The following FER variants were observed in gnomAD, a reference collection of about 807,000 sequenced individuals.
The protein encoded by FER is FER tyrosine kinase, also known as tyrosine-protein kinase Fer.
Under a neutral mutation model 111.0 loss-of-function variants are expected in FER, and 63 were observed. The ratio of observed to expected loss-of-function variants is 0.57; its 90% CI spans 0.46 to 0.70. The LOEUF (loss-of-function observed/expected upper bound fraction) is 0.70, where lower values mean the gene tolerates loss of function less well. Among genes scored for constraint, FER ranks in the 30% least tolerant of loss-of-function variants. The pLI, the probability that FER is intolerant of heterozygous loss-of-function variation, is 0.00. For synonymous variants in FER, 327 were observed against 313.9 expected (o/e 1.04, Z -0.44); for missense variants, 914 against 954.0 (o/e 0.96, Z 0.55).
At chr5:109,065,677 A>G (rs1214742471) in intron 16 of FER, among the ~76,000 whole-genome samples, 2 of 152,218 alleles carry the variant, frequency 1.3e-5, no homozygotes, top group African/African-American at 2.4e-5. Flanking sequence ...GAAGGATTAC[A>G]TATTATATTA....
chr5:108,805,199 G>A (rs1052914726), intron 3 of FER, among the ~76,000 whole-genome samples: 20 of 152,008 alleles, frequency 1.3e-4, no homozygotes, highest in African/African-American at 4.4e-4. Flanking sequence ...CATGAGATCC[G>A]ATGGTTTTAA....
chr5:109,127,898 T>A (rs1366997848), intron 17 of FER, among the ~76,000 whole-genome samples: 1 of 152,190 alleles, frequency 6.6e-6, no homozygotes, highest in Non-Finnish European at 1.5e-5. Context: ...TTCATAATAT[T>A]GAAATTCTAA....
At chr5:108,966,191 T>C (rs897072131) in intron 13 of FER, among the ~76,000 whole-genome samples, 4 of 152,112 alleles carry the variant, frequency 2.6e-5, no homozygotes, top group Non-Finnish European at 4.4e-5. Flanking sequence ...AGTAATTACT[T>C]CTATACATTT....
At chr5:108,944,819 G>T (rs1468338687) in intron 10 of FER, among the ~76,000 whole-genome samples, 1 of 124,282 alleles carries the variant, frequency 8.0e-6, no homozygotes, top group African/African-American at 3.0e-5. Flanking sequence ...TATGTTTTTA[G>T]GCCAACCTAT....
At chr5:108,753,791 A>G (rs1390099888) in intron 1 of FER, among the ~76,000 whole-genome samples, 1 of 152,224 alleles carries the variant, frequency 6.6e-6, no homozygotes, top group African/African-American at 2.4e-5. Context: ...AAGAACATAC[A>G]GTTTAAATGG....
chr5:109,011,330 A>C (rs1186706355), intron 13 of FER, among the ~76,000 whole-genome samples: 2 of 152,178 alleles, frequency 1.3e-5, no homozygotes, highest in Non-Finnish European at 2.9e-5. Flanking sequence ...TGCACAACGG[A>C]GGACCTCTAA....
intron 13 of FER, 53 bp from the exon 14 acceptor site, chr5:109,037,369 C>G (rs1770545225): frequency 1.3e-6 from 2 of 1,503,018 alleles, no homozygotes; most frequent in Admixed American, 3.5e-5. Context: ...AATGCAACTT[C>G]AAGAAGTGTA....
chr5:108,839,771 G>T (rs987664836), intron 5 of FER, among the ~76,000 whole-genome samples: 1 of 151,808 alleles, frequency 6.6e-6, no homozygotes, highest in South Asian at 2.1e-4. Flanking sequence ...TAGAGATGGG[G>T]TTTCACTGTG....
chr5:109,045,514 TG>T (rs1027185483), intron 15 of FER, among the ~76,000 whole-genome samples: 1 of 152,186 alleles, frequency 6.6e-6, no homozygotes, highest in Non-Finnish European at 1.5e-5. Context: ...GACAGGCATT[TG>T]AGGTAATCTA....
intron 1 of FER, among the ~76,000 whole-genome samples, chr5:108,767,586 G>A (rs778601411): frequency 6.6e-6 from 1 of 152,148 alleles, no homozygotes; most frequent in Non-Finnish European, 1.5e-5. Flanking sequence ...CTGGGCTCAA[G>A]CAGTCTTCCT....
chr5:109,095,606 C>A (rs1052363449), intron 16 of FER, among the ~76,000 whole-genome samples: 2 of 152,052 alleles, frequency 1.3e-5, no homozygotes, highest in Admixed American at 6.6e-5. Flanking sequence ...TGTATGAAAT[C>A]TATTCTGTGT....
chr5:109,181,705 C>A (rs1274783956), intron 18 of FER, among the ~76,000 whole-genome samples: 3 of 152,022 alleles, frequency 2.0e-5, no homozygotes, highest in Non-Finnish European at 4.4e-5. Context: ...TTTATAAATG[C>A]CTTAATTTAA....
intron 17 of FER, among the ~76,000 whole-genome samples, chr5:109,111,385 A>G (rs796850484): frequency 2.6e-4 from 40 of 152,284 alleles, no homozygotes; most frequent in African/African-American, 8.9e-4. Flanking sequence ...TATGTTTGGT[A>G]TAAAAAAAGG....
At chr5:109,181,230 C>A (rs1244759421) in intron 18 of FER, among the ~76,000 whole-genome samples, 1 of 152,060 alleles carries the variant, frequency 6.6e-6, no homozygotes, top group Admixed American at 6.5e-5. Context: ...TTTCGAATGT[C>A]TTATAATTGG....
intron 17 of FER, among the ~76,000 whole-genome samples, chr5:109,157,325 T>C (rs1482168255): frequency 6.6e-6 from 1 of 152,150 alleles, no homozygotes; most frequent in African/African-American, 2.4e-5. Context: ...GAAAACACTT[T>C]AAAATGCAAT....
chr5:109,092,320 G>A (rs1746910191), intron 16 of FER, among the ~76,000 whole-genome samples: 2 of 122,746 alleles, frequency 1.6e-5, no homozygotes, highest in Non-Finnish European at 3.5e-5. Context: ...AACATCAGAG[G>A]GAAAAAGCAA....
chr5:108,937,351 T>C (rs1160673211), intron 10 of FER, among the ~76,000 whole-genome samples: 1 of 151,974 alleles, frequency 6.6e-6, no homozygotes, highest in Non-Finnish European at 1.5e-5. Flanking sequence ...CAGTAATATA[T>C]TGACTTTTAT....
chr5:108,831,965 T>C (rs1760088940), intron 3 of FER, among the ~76,000 whole-genome samples: 2 of 151,248 alleles, frequency 1.3e-5, no homozygotes, highest in Admixed American at 6.6e-5. Context: ...AGGATTCCTC[T>C]GTTCCTTTTT....
At chr5:108,904,542 A>C (rs1750477719) in intron 10 of FER, among the ~76,000 whole-genome samples, 1 of 152,198 alleles carries the variant, frequency 6.6e-6, no homozygotes, top group African/African-American at 2.4e-5. Context: ...TCATAAAGTC[A>C]TACAGACCCA....
Sources: gnomAD v4.1 joint callset for allele counts (sites outside exome capture counted in the v4.1 genomes callset) on GRCh38, gnomAD v4.1.1 for gene constraint, MANE v1.5 for transcripts, NCBI Gene and HGNC (gene_info 2026-07-23, HGNC 2026-07-21) for gene names.